Variants in KIRREL3 observed in about 807,000 individuals in gnomAD.
KIRREL3 encodes the protein kirre like nephrin family adhesion molecule 3.
In KIRREL3, 36 loss-of-function variants were observed where a neutral mutation model predicts 89.7. The ratio of observed to expected loss-of-function variants is 0.40; its 90% CI spans 0.31 to 0.53. KIRREL3 has a LOEUF of 0.53. Ranked by LOEUF, KIRREL3 falls within the 20% of genes least tolerant of loss-of-function variation. KIRREL3 has a pLI of 0.49. For synonymous variants in KIRREL3, 445 were observed against 441.4 expected (o/e 1.01, Z -0.10); for missense variants, 864 against 1,056.6 (o/e 0.82, Z 2.53).
At chr11:126,604,182 C>G (rs1942787142) in intron 1 of KIRREL3, among the ~76,000 whole-genome samples, 1 of 152,194 alleles carries the variant, frequency 6.6e-6, no homozygotes, top group Non-Finnish European at 1.5e-5. Flanking sequence ...TGTCCTTGTG[C>G]TATCTCCTCC....
At chr11:126,859,265 T>G (rs1944633216) in intron 1 of KIRREL3, among the ~76,000 whole-genome samples, 1 of 152,208 alleles carries the variant, frequency 6.6e-6, no homozygotes, top group Non-Finnish European at 1.5e-5. Context: ...TATATTAGCT[T>G]CTTTAATTCT....
In KIRREL3 at chr11:127,000,689, C is replaced by A. The variant is rs1591451951; in HGVS notation, c.-180G>T. ...TGTGCCTCTGGGTATCTGCAGCCAG[C>A]CGACACAAACTGCCTGTTCTTAGCC... On this transcript the variant is annotated 5_prime_UTR_variant, in exon 1 of 17. Coordinates refer to ENST00000525144, the MANE Select transcript of KIRREL3 (RefSeq NM_032531.4). The surrounding 1 kb of genome is among the most constrained non-coding windows in gnomAD (Gnocchi z 7.1). 3.6e-6 allele frequency: 2 copies of A among 553,060 alleles called. No homozygotes were observed. Among genetic ancestry groups the A allele is most frequent in the East Asian group, 6.3e-5 (2 of 31,862 alleles). The allele number at this position is 553,060 out of a possible 1,614,324, so 34.3% of individuals were successfully genotyped here. A position where few individuals can be genotyped will look rare whatever the true frequency, so the allele number is the denominator to read the frequency against.
At chr11:126,675,520 C>T (rs1229618843) in intron 1 of KIRREL3, among the ~76,000 whole-genome samples, 1 of 152,158 alleles carries the variant, frequency 6.6e-6, no homozygotes, top group Admixed American at 6.5e-5. Context: ...TTGAAACCTG[C>T]AGGCAGCAGT....
rs145194091 is a variant in KIRREL3 at position 126,837,085 on chromosome 11, G to A, written c.55+163370C>T. On this transcript the variant is annotated intron_variant, in intron 1 of 16. Coordinates refer to ENST00000525144, the MANE Select transcript of KIRREL3 (RefSeq NM_032531.4). This position sits in a 1 kb window ranked among gnomAD's most constrained non-coding sequence, Gnocchi z 4.7. ...AACTAACAAACAGCTTCAGAGTAGCGTGGTTTAGAGGAAAGAATAGAACTT... is the reference window on the plus strand; with the variant it reads ...AACTAACAAACAGCTTCAGAGTAGCATGGTTTAGAGGAAAGAATAGAACTT... 1.4e-3 allele frequency among the ~76,000 whole-genome samples: 218 copies of A among 152,284 alleles called. No homozygotes were observed. The highest frequency in any genetic ancestry group is 3.4e-3 in the Middle Eastern group (1 of 294).
intron 1 of KIRREL3, among the ~76,000 whole-genome samples, chr11:126,713,815 G>A (rs1947853020): frequency 6.6e-6 from 1 of 152,158 alleles, no homozygotes; most frequent in Admixed American, 6.5e-5. Context: ...GACGGGCGAG[G>A]AGGAAATATC....
rs1430411540 is a variant in KIRREL3 at position 126,991,424 on chromosome 11, A to G, written c.55+9031T>C. Among the ~76,000 whole-genome samples, 1 of 152,152 alleles carries G rather than the reference A, an allele frequency of 6.6e-6. No individual in the cohort carries two copies. The highest frequency in any genetic ancestry group is 1.5e-5 in the Non-Finnish European group (1 of 68,030). On this transcript the variant is annotated intron_variant, in intron 1 of 16. Transcript: ENST00000525144. This position sits in a 1 kb window ranked among gnomAD's most constrained non-coding sequence, Gnocchi z 5.8. ...GGGGTGATAAAAGACTTGGATTTTAATCAACCAATTAAGAGAAGCAAAGTC... is the reference window on the plus strand; with the variant it reads ...GGGGTGATAAAAGACTTGGATTTTAGTCAACCAATTAAGAGAAGCAAAGTC...
At chr11:126,616,922 G>GT (rs1309472233) in intron 1 of KIRREL3, among the ~76,000 whole-genome samples, 1 of 152,248 alleles carries the variant, frequency 6.6e-6, no homozygotes, top group African/African-American at 2.4e-5. Context: ...GATTACAGGT[G>GT]TGAGCCACTT....
At chr11:126,514,854 CAACACAACACAACAA>C (rs1280763922) in intron 4 of KIRREL3, among the ~76,000 whole-genome samples, 5,180 of 105,766 alleles carry the variant, frequency 0.049, 140 homozygotes, top group African/African-American at 0.12. Context: ...CAACACAACA[CAACACAACACAACAA>C]AACACAATTG....
chr11:126,804,604 A>G (rs1293935778), intron 1 of KIRREL3, among the ~76,000 whole-genome samples: 1 of 152,216 alleles, frequency 6.6e-6, no homozygotes, highest in East Asian at 1.9e-4. Context: ...AGGAGGAGGA[A>G]GTAAGTATAT....
At chr11:126,726,784 A>G (rs1351724920) in intron 1 of KIRREL3, among the ~76,000 whole-genome samples, 1 of 152,154 alleles carries the variant, frequency 6.6e-6, no homozygotes. Context: ...TACACATGCC[A>G]ATGTGTTGAG....
At chr11:126,533,052 G>A (rs1348322773) in intron 2 of KIRREL3, among the ~76,000 whole-genome samples, 1 of 152,016 alleles carries the variant, frequency 6.6e-6, no homozygotes, top group Non-Finnish European at 1.5e-5. Context: ...AGCAATCCTC[G>A]TGCCTCAGCC....
rs1297456097 is a variant in KIRREL3 at position 126,428,374 on chromosome 11, G to A, written c.1806+805C>T. Among the ~76,000 whole-genome samples the A allele has an allele frequency of 1.3e-5, 2 of 152,140 alleles. No homozygotes were observed. Among genetic ancestry groups the A allele is most frequent in the South Asian group, 2.1e-4 (1 of 4,832 alleles). ...GATGATGGCCCATAAATGGGGATTC[G>A]GAAGAGGAGGAGCAGGCTTGATGTG... On this transcript the variant is annotated intron_variant, in intron 15 of 16. Coordinates refer to ENST00000525144, the MANE Select transcript of KIRREL3 (RefSeq NM_032531.4). The surrounding 1 kb of genome is among the most constrained non-coding windows in gnomAD (Gnocchi z 6.4).
chr11:126,707,835 C>CT (rs11383510), intron 1 of KIRREL3, among the ~76,000 whole-genome samples: 111,163 of 147,458 alleles, frequency 0.75, 41,858 homozygotes, highest in East Asian at 0.98. Context: ...TTGTGATGAG[C>CT]TTTTTTTTTT....
At chr11:126,438,875 C>T (rs895196807) in intron 11 of KIRREL3, among the ~76,000 whole-genome samples, 8 of 152,060 alleles carry the variant, frequency 5.3e-5, no homozygotes, top group African/African-American at 1.4e-4. Context: ...CCCGCATGCA[C>T]GGGTTAGGGG....
intron 1 of KIRREL3, among the ~76,000 whole-genome samples, chr11:126,913,060 C>T (rs1235476362): frequency 3.9e-5 from 6 of 152,206 alleles, no homozygotes; most frequent in Non-Finnish European, 8.8e-5. Context: ...GAATGTTCCT[C>T]TGACCTTAAC....
Position 126,755,248 on chromosome 11 carries a change from C to T in KIRREL3, c.56-192336G>A, listed in dbSNP as rs963539633. Among the ~76,000 whole-genome samples the T allele has an allele frequency of 3.3e-5, 5 of 152,124 alleles. No individual in the cohort carries two copies. The highest frequency in any genetic ancestry group is 1.2e-4 in the African/African-American group (5 of 41,416). On this transcript the variant is annotated intron_variant, in intron 1 of 16. Transcript: ENST00000525144. This position sits in a 1 kb window ranked among gnomAD's most constrained non-coding sequence, Gnocchi z 4.3. ...ATTCCCATCCGAGGCCCTTGCCTGCCCTCCTGTAGCCACAAACATAGCCCT... is the reference window on the plus strand; with the variant it reads ...ATTCCCATCCGAGGCCCTTGCCTGCTCTCCTGTAGCCACAAACATAGCCCT...
At chr11:126,845,806 T>C (rs943779416) in intron 1 of KIRREL3, among the ~76,000 whole-genome samples, 1 of 152,108 alleles carries the variant, frequency 6.6e-6, no homozygotes, top group Admixed American at 6.6e-5. Context: ...TAAAGTTGGA[T>C]AAAAAAAGAT....
intron 4 of KIRREL3, among the ~76,000 whole-genome samples, chr11:126,497,978 T>TAG (rs10688604): frequency 0.42 from 63,162 of 152,002 alleles, 13,453 homozygotes; most frequent in African/African-American, 0.45. Flanking sequence ...CTAACCTTCC[T>TAG]AGGCCCTGCA....
Position 126,443,433 on chromosome 11 carries a change from C to T in KIRREL3, c.1252+1546G>A, listed in dbSNP as rs1463524822. On this transcript the variant is annotated intron_variant, in intron 10 of 16. Transcript: ENST00000525144. The surrounding 1 kb of genome is among the most constrained non-coding windows in gnomAD (Gnocchi z 7.3). ...GCGATCAGATGCTGTTATTTTTAGCCCTGCAGTGCCAATTTATTGGTGGCA... is the reference window on the plus strand; with the variant it reads ...GCGATCAGATGCTGTTATTTTTAGCTCTGCAGTGCCAATTTATTGGTGGCA... 6.6e-6 allele frequency among the ~76,000 whole-genome samples: 1 copy of T among 152,156 alleles called. No individual in the cohort carries two copies. Among genetic ancestry groups the T allele is most frequent in the Admixed American group, 6.5e-5 (1 of 15,270 alleles).
Sources: allele counts gnomAD v4.1 joint callset (sites outside exome capture counted in the v4.1 genomes callset), GRCh38; gene constraint gnomAD v4.1.1; non-coding constraint Gnocchi (gnomAD v3.1); transcripts MANE v1.5; gene names NCBI Gene and HGNC (gene_info 2026-07-23, HGNC 2026-07-21).